The following LRRK1 variants were observed in gnomAD, a reference collection of about 807,000 sequenced individuals.
The protein encoded by LRRK1 is leucine rich repeat kinase 1, also known as leucine-rich repeat serine/threonine-protein kinase 1.
In LRRK1, 113 loss-of-function variants were observed where a neutral mutation model predicts 209.1. The observed-to-expected ratio is 0.54, with a 90% CI of 0.46 to 0.63. The LOEUF is 0.63. LRRK1 is among the 30% of genes least tolerant of loss of function. The pLI, the probability that LRRK1 is intolerant of heterozygous loss-of-function variation, is 0.00. For missense variants in LRRK1, 2,284 were observed against 2,632.2 expected (o/e 0.87, Z 2.89); for synonymous variants, 1,144 against 1,099.7 (o/e 1.04, Z -0.80).
intron 2 of LRRK1, among the ~76,000 whole-genome samples, chr15:100,947,239 G>A (rs1466681490): frequency 6.6e-6 from 1 of 152,098 alleles, no homozygotes; most frequent in Admixed American, 6.5e-5. Flanking sequence ...TTACAGGTGT[G>A]AGCCACCATG....
At chr15:100,964,807 TGC>T (rs34853827) in intron 2 of LRRK1, among the ~76,000 whole-genome samples, 106,341 of 151,446 alleles carry the variant, frequency 0.7, 37,645 homozygotes, top group Middle Eastern at 0.76. Flanking sequence ...TGCACACGCA[TGC>T]GCGCACACAC....
chr15:101,012,223 C>G, intron 10 of LRRK1, 78 bp downstream of exon 10: 2 of 1,247,862 alleles, frequency 1.6e-6, no homozygotes, highest in Non-Finnish European at 2.2e-6. Context: ...AATGTATGTG[C>G]TTTTCCTGAG....
chr15:100,952,706 A>AT (rs34061554), intron 2 of LRRK1, among the ~76,000 whole-genome samples: 141,226 of 152,228 alleles, frequency 0.93, 65,830 homozygotes, highest in East Asian at 1. Context: ...ATGGTATCAA[A>AT]TGCTTGTCAG....
At chr15:101,055,420 G>A (rs2141141250) in intron 27 of LRRK1, among the ~76,000 whole-genome samples, 197 bp downstream of exon 27, 1 of 152,282 alleles carries the variant, frequency 6.6e-6, no homozygotes, top group East Asian at 1.9e-4. Context: ...TCTGCTTGTA[G>A]CAAAGTTGAC....
intron 6 of LRRK1, among the ~76,000 whole-genome samples, chr15:101,008,465 G>A (rs1199987050): frequency 9.9e-5 from 15 of 152,208 alleles, no homozygotes; most frequent in Admixed American, 9.2e-4. Context: ...TCCAGTCTGG[G>A]GGAGGCGCCT....
intron 26 of LRRK1, among the ~76,000 whole-genome samples, 157 bp downstream of exon 26, chr15:101,053,577 T>A (rs114619895): frequency 0.015 from 2,247 of 152,224 alleles, 58 homozygotes; most frequent in African/African-American, 0.051. Flanking sequence ...GAGGCCAGGC[T>A]CCCCGCCAGG....
chr15:101,020,908 A>T lies in LRRK1; in HGVS notation c.1610-145A>T, dbSNP rs2033752536. 1.7e-5 allele frequency: 13 copies of T among 764,738 alleles called. No individual in the cohort carries two copies. The South Asian group carries it at 2.2e-4, about 13-fold the overall frequency. The allele number at this position is 764,738 out of a possible 1,614,324, so 47.4% of individuals were successfully genotyped here. A position where few individuals can be genotyped will look rare whatever the true frequency, so the allele number is the denominator to read the frequency against. The stretch of plus-strand genomic sequence containing the variant: ...AGCTATCTGTAGAATGAGAATTGCT[A>T]GGTCGATGAGGTGAGCATTTTGTTC... On this transcript the variant is annotated intron_variant, in intron 12 of 33. Coordinates refer to ENST00000388948, the MANE Select transcript of LRRK1 (RefSeq NM_024652.6).
In LRRK1 at chr15:101,057,141, C is replaced by T. The variant is rs1401036749; in HGVS notation, c.4527+91C>T. 3.5e-6 allele frequency: 4 copies of T among 1,147,444 alleles called. No homozygotes were observed. In the East Asian group the frequency reaches 1.0e-4, roughly 30 times the overall value. 71.1% of individuals were successfully genotyped at this position (1,147,444 alleles called of 1,614,324 possible). A position where few individuals can be genotyped will look rare whatever the true frequency, so the allele number is the denominator to read the frequency against. On this transcript the variant is annotated intron_variant, in intron 28 of 33. Coordinates refer to ENST00000388948, the MANE Select transcript of LRRK1 (RefSeq NM_024652.6). ...GGGGGTGTGTGCCTGGCTGCCCAACCATCACCATTGGCAACCCTTCTCTGC... is the reference window on the plus strand; with the variant it reads ...GGGGGTGTGTGCCTGGCTGCCCAACTATCACCATTGGCAACCCTTCTCTGC...
intron 4 of LRRK1, among the ~76,000 whole-genome samples, chr15:100,984,219 AC>A (rs35456045): frequency 0.21 from 31,216 of 151,828 alleles, 3,911 homozygotes; most frequent in African/African-American, 0.36. Flanking sequence ...CAGAGAGGTG[AC>A]CCTCCACTGT....
chr15:100,994,565 A>T (rs572366072), intron 6 of LRRK1, among the ~76,000 whole-genome samples: 42 of 152,358 alleles, frequency 2.8e-4, no homozygotes, highest in African/African-American at 9.6e-4. Flanking sequence ...GTTGGCATAG[A>T]GCATGGAGGA....
intron 2 of LRRK1, among the ~76,000 whole-genome samples, chr15:100,962,822 T>TACATATATATATATATAC (rs1567202934): frequency 2.8e-4 from 3 of 10,848 alleles, no homozygotes; most frequent in African/African-American, 7.3e-4. Context: ...TATATATATA[T>TACATATATATATATATAC]ATTTTTTTTT....
At position 101,034,856 on chromosome 15, in the gene LRRK1, T is replaced by C. The variant is rs114715808; in HGVS notation, c.2963+5624T>C. ...TTCTGGGAATTTGTCTGTTTTTTTT[T>C]CCTAGGCTTTGCAGTTTGTTAACAT... is the stretch of plus-strand genomic sequence containing the variant. On this transcript the variant is annotated intron_variant, in intron 20 of 33. Coordinates refer to ENST00000388948, the MANE Select transcript of LRRK1 (RefSeq NM_024652.6). Among the ~76,000 whole-genome samples, 1,002 of 152,230 alleles carry C rather than the reference T, an allele frequency of 6.6e-3. 9 individuals are homozygous for C. The highest frequency in any genetic ancestry group is 0.022 in the African/African-American group (932 of 41,574).
chr15:101,040,037 GAA>G (rs2034672364), intron 20 of LRRK1, among the ~76,000 whole-genome samples: 1 of 152,098 alleles, frequency 6.6e-6, no homozygotes, highest in African/African-American at 2.4e-5. Context: ...GTACTTTGAT[GAA>G]AAGTCTTTAT....
At chr15:101,007,025 G>A (rs976689914) in intron 6 of LRRK1, among the ~76,000 whole-genome samples, 1 of 152,242 alleles carries the variant, frequency 6.6e-6, no homozygotes, top group African/African-American at 2.4e-5. Context: ...GACAGACAGA[G>A]CGACAGAGTC....
intron 2 of LRRK1, among the ~76,000 whole-genome samples, chr15:100,941,352 G>GTCTC (rs2042412148): frequency 9.1e-5 from 1 of 11,042 alleles, no homozygotes; most frequent in African/African-American, 4.6e-4. Context: ...GTGTCTTTGT[G>GTCTC]TGTGTGTGTG....
chr15:100,951,966 AT>A (rs67516340), intron 2 of LRRK1, among the ~76,000 whole-genome samples: 16,637 of 138,354 alleles, frequency 0.12, 1,010 homozygotes, highest in African/African-American at 0.17. Flanking sequence ...AAAAAAAAAA[AT>A]AATAATAATA....
In LRRK1 at chr15:101,051,957, C is replaced by G; in HGVS notation, c.3686C>G (p.Ala1229Gly). 1.2e-6 allele frequency: 2 copies of G among 1,612,470 alleles called. No individual in the cohort carries two copies. The highest frequency in any genetic ancestry group is 1.7e-6 in the Non-Finnish European group (2 of 1,179,124). Residue 1229 changes from alanine (A) to glycine (G), a missense_variant, in exon 24 of 34, where the codon GCC becomes GGC. By Grantham distance (60) the Ala-to-Gly change is moderately conservative. Coordinates refer to ENST00000388948, the MANE Select transcript of LRRK1 (RefSeq NM_024652.6). ...GAACTGTTCATGACCGACTTCCCGG[C>G]CAGGTATGCCCCGAAGGCCCCTCCC... ...VPELFMTDFPARLFLENSKLE... is the reference protein window; with the variant it reads ...VPELFMTDFPGRLFLENSKLE...
intron 2 of LRRK1, among the ~76,000 whole-genome samples, chr15:100,934,371 C>T (rs2042258022): frequency 6.6e-6 from 1 of 152,168 alleles, no homozygotes; most frequent in South Asian, 2.1e-4. Context: ...ATTAATTCAG[C>T]ATGATTATTT....
At chr15:101,015,828 T>C (rs945431080) in intron 12 of LRRK1, among the ~76,000 whole-genome samples, 1 of 152,130 alleles carries the variant, frequency 6.6e-6, no homozygotes, top group Non-Finnish European at 1.5e-5. Flanking sequence ...GACCGAGTGC[T>C]TCAGCAGCAG....
Sources: allele counts gnomAD v4.1 joint callset (sites outside exome capture counted in the v4.1 genomes callset), GRCh38; gene constraint gnomAD v4.1.1; transcripts MANE v1.5; gene names NCBI Gene and HGNC (gene_info 2026-07-23, HGNC 2026-07-21).